The following DHX32 variants were observed in gnomAD, a reference collection of about 807,000 sequenced individuals.
DHX32 encodes DEAH-box helicase 32 (putative).
A neutral mutation model predicts 70.0 loss-of-function variants in DHX32; 51 were observed. That is an observed-to-expected ratio of 0.73 (90% CI 0.58 to 0.92). DHX32 has a LOEUF of 0.92. Ranked by LOEUF, DHX32 falls within the 40% of genes least tolerant of loss-of-function variation. The pLI is 0.00. For synonymous variants in DHX32, 310 were observed against 315.3 expected, an observed-to-expected ratio of 0.98 and a Z score of 0.18; for missense variants, 762 against 891.8, an observed-to-expected ratio of 0.85 and a Z score of 1.85.
At chr10:125,892,300 C>T (rs1303699211) in intron 1 of DHX32, among the ~76,000 whole-genome samples, 6 of 152,282 alleles carry the variant, frequency 3.9e-5, no homozygotes, top group African/African-American at 7.2e-5. Flanking sequence ...TGAGCTTCAG[C>T]AACATCTCCA....
chr10:125,860,833 G>A (rs983891591), intron 2 of DHX32, among the ~76,000 whole-genome samples: 2 of 116,536 alleles, frequency 1.7e-5, no homozygotes, highest in Non-Finnish European at 3.5e-5. Context: ...TCGGCTCACT[G>A]CAAGCTCCGC....
intron 4 of DHX32, chr10:125,853,237 G>A (rs192828114): frequency 1.9e-6 from 3 of 1,598,720 alleles, no homozygotes; most frequent in East Asian, 4.5e-5. Flanking sequence ...GAATTGCTCT[G>A]TCATAATAAG....
chr10:125,888,688 G>C (rs1944353257), intron 1 of DHX32, among the ~76,000 whole-genome samples: 1 of 152,302 alleles, frequency 6.6e-6, no homozygotes, highest in Non-Finnish European at 1.5e-5. Context: ...GAATCTCCTA[G>C]AATATTCAAA....
intron 1 of DHX32, among the ~76,000 whole-genome samples, chr10:125,891,203 T>G (rs1464904117): frequency 1.3e-5 from 2 of 152,254 alleles, no homozygotes; most frequent in Non-Finnish European, 2.9e-5. Context: ...ATCTGGCTTA[T>G]TTAAGTAGTC....
At chr10:125,882,858 A>G (rs1341919647), upstream of DHX32, among the ~76,000 whole-genome samples, 1 of 152,170 alleles carries the variant, frequency 6.6e-6, no homozygotes, top group African/African-American at 2.4e-5. Context: ...TCCACTCTTC[A>G]GAGAAGTTAA....
chr10:125,852,210 A>G, intron 6 of DHX32, 83 bp downstream of exon 6: 4 of 1,525,278 alleles, frequency 2.6e-6, no homozygotes, highest in Non-Finnish European at 3.5e-6. Context: ...ATTGCTGCGC[A>G]TCATGTGAAC....
At chr10:125,870,786 G>C (rs1944251462) in intron 1 of DHX32, among the ~76,000 whole-genome samples, 1 of 152,038 alleles carries the variant, frequency 6.6e-6, no homozygotes. Context: ...GCAGTGAGCT[G>C]AGATCACACC....
At chr10:125,853,213 C>G (rs755488722) in intron 4 of DHX32, 1 of 1,612,054 alleles carries the variant, frequency 6.2e-7, no homozygotes, top group East Asian at 2.2e-5. Flanking sequence ...TCCAGGGAAC[C>G]TTCATGACTG....
At chr10:125,890,814 T>C (rs1439527795) in intron 1 of DHX32, 1 of 152,222 alleles carries the variant, frequency 6.6e-6, no homozygotes, top group South Asian at 2.1e-4. Context: ...CTCATGCCTG[T>C]AATCCCATCC....
At chr10:125,841,490 C>T in intron 7 of DHX32, 2 of 1,454,130 alleles carry the variant, frequency 1.4e-6, no homozygotes, top group Non-Finnish European at 1.8e-6. Flanking sequence ...CAAAAGAAAT[C>T]TAGTATGTTT....
chr10:125,862,462 AGAGATTT>A (rs1944196349), intron 2 of DHX32, among the ~76,000 whole-genome samples: 1 of 151,538 alleles, frequency 6.6e-6, no homozygotes, highest in African/African-American at 2.4e-5. Context: ...GAGGCTAATT[AGAGATTT>A]AATTTCTAAT....
chr10:125,872,786 C>T (rs1428448984), intron 1 of DHX32, among the ~76,000 whole-genome samples: 2 of 152,134 alleles, frequency 1.3e-5, no homozygotes, highest in African/African-American at 4.8e-5. Flanking sequence ...GGTAAGCAAT[C>T]GAGGCATGAG....
intron 6 of DHX32, among the ~76,000 whole-genome samples, chr10:125,846,727 A>C (rs1944026602): frequency 6.6e-6 from 1 of 152,192 alleles, no homozygotes; most frequent in South Asian, 2.1e-4. Flanking sequence ...ACAACACCAC[A>C]TTATCACTAC....
intron 2 of DHX32, among the ~76,000 whole-genome samples, chr10:125,863,249 A>C (rs761366922): frequency 2.0e-5 from 3 of 152,078 alleles, no homozygotes; most frequent in Non-Finnish European, 4.4e-5. Flanking sequence ...TATAATATTC[A>C]GGTATTCACT....
chr10:125,843,932 C>T (rs1406742080), intron 6 of DHX32, among the ~76,000 whole-genome samples: 1 of 152,170 alleles, frequency 6.6e-6, no homozygotes, highest in African/African-American at 2.4e-5. Context: ...TACCTTGGGG[C>T]AAATATGTTG....
Position 125,838,234 on chromosome 10 carries a change from T to G in DHX32, c.2035A>C (p.Arg679=). ...TCAGGAGAGATTTCTGAGGTAATCC[T>G]GATGTAGTTGTTCTCAGAAATGCTG... is the stretch of plus-strand genomic sequence containing the variant. The part of the protein sequence containing the change: ...KFSISENNYI[R]ITSEISPELF... The change falls in exon 10 of 11, where the codon AGG becomes CGG. Residue 679 remains arginine (R), a synonymous_variant. Transcript: ENST00000284690. The G allele has an allele frequency of 1.2e-6, 2 of 1,610,676 alleles. No homozygotes were observed. The highest frequency in any genetic ancestry group is 1.7e-6 in the Non-Finnish European group (2 of 1,179,212).
At chr10:125,895,738 C>T (rs546873257) in intron 1 of DHX32, among the ~76,000 whole-genome samples, 4 of 152,408 alleles carry the variant, frequency 2.6e-5, no homozygotes, top group South Asian at 2.1e-4. Flanking sequence ...CAAATCAACA[C>T]ACAAAAAACG....
At chr10:125,885,189 T>G (rs575588262), upstream of DHX32, among the ~76,000 whole-genome samples, 1 of 152,230 alleles carries the variant, frequency 6.6e-6, no homozygotes, top group African/African-American at 2.4e-5. Context: ...ATTGCTCAGA[T>G]CAAAGTATTT....
At chr10:125,853,351 A>G in intron 4 of DHX32, 1 of 580,464 alleles carries the variant, frequency 1.7e-6, no homozygotes, top group South Asian at 5.0e-5. Flanking sequence ...TGAGATCTCA[A>G]ATGTTAGGAT....
Sources: allele counts gnomAD v4.1 joint callset (sites outside exome capture counted in the v4.1 genomes callset), GRCh38; gene constraint gnomAD v4.1.1; transcripts MANE v1.5; gene names NCBI Gene and HGNC (gene_info 2026-07-23, HGNC 2026-07-21).